Variants in FMO1 observed in about 807,000 individuals in gnomAD.
The protein encoded by FMO1 is flavin containing dimethylaniline monoxygenase 1.
FMO1 carries 36 observed loss-of-function variants against 45.4 expected under a neutral mutation model. That is an observed-to-expected ratio of 0.79 (90% CI 0.61 to 1.05). The LOEUF is 1.05. Ranked by LOEUF, FMO1 falls within the 50% of genes least tolerant of loss-of-function variation. The pLI is 0.00. For synonymous variants in FMO1, 228 were observed against 227.2 expected, an observed-to-expected ratio of 1.00 and a Z score of -0.03; for missense variants, 615 against 640.3, an observed-to-expected ratio of 0.96 and a Z score of 0.43.
At position 171,275,400 on chromosome 1, in the gene FMO1, G is replaced by C; in HGVS notation, c.376G>C (p.Glu126Gln). ...AGATTCTGCTGTCTCTGGCCAATGG[G>C]AGGTGGTCACTATGCATGAAGAGAA... Reference protein sequence around the residue: ...CSDSAVSGQWEVVTMHEEKQE... With the variant: ...CSDSAVSGQWQVVTMHEEKQE... The change falls in exon 4 of 9, where the codon GAG (glutamate) becomes CAG (glutamine). Residue 126 changes from glutamate to glutamine, a missense_variant. Physicochemically the swap from Glu to Gln is conservative, Grantham distance 29. Transcript: ENST00000617670. The C allele has an allele frequency of 1.2e-6, 2 of 1,613,928 alleles. No homozygotes were observed. Among genetic ancestry groups the C allele is most frequent in the Non-Finnish European group, 1.7e-6 (2 of 1,179,834 alleles).
At chr1:171,284,053 C>T (rs1336382067) in intron 8 of FMO1, among the ~76,000 whole-genome samples, 3 of 152,062 alleles carry the variant, frequency 2.0e-5, no homozygotes, top group Non-Finnish European at 4.4e-5. Flanking sequence ...CCTCCCCTCT[C>T]ACTCTCAATC....
At chr1:171,283,274 A>T in intron 8 of FMO1, 58 bp downstream of exon 8, 1 of 546,596 alleles carries the variant, frequency 1.8e-6, no homozygotes, top group Non-Finnish European at 2.9e-6. Flanking sequence ...GTAAAAAAAA[A>T]AAAAAAAAAA....
Position 171,282,157 on chromosome 1 carries a change from C to T in FMO1, c.1007C>T (p.Pro336Leu), listed in dbSNP as rs778015138. The change falls in exon 7 of 9, where the codon CCC becomes CTC. Residue 336 changes from proline to leucine, a missense_variant. Pro to Leu is a moderately conservative substitution (Grantham distance 98, BLOSUM62 -3). Transcript: ENST00000617670. ...GCCACTGGATACACATTTGCTTTCC[C>T]CTTCCTTGATGAGTCTGTAGTGAAA... ...VFATGYTFAFPFLDESVVKVE... is the reference protein window; with the variant it reads ...VFATGYTFAFLFLDESVVKVE... 3 of 1,613,896 alleles carry T rather than the reference C, an allele frequency of 1.9e-6. No homozygotes were observed. The highest frequency in any genetic ancestry group is 1.7e-5 in the Admixed American group (1 of 60,004).
At chr1:171,268,224 A>G (rs1660702527) in intron 3 of FMO1, among the ~76,000 whole-genome samples, 2 of 151,412 alleles carry the variant, frequency 1.3e-5, no homozygotes, top group Admixed American at 1.3e-4. Context: ...GTAGCTGGGA[A>G]CACAGGTGCA....
chr1:171,266,151 T>C (rs1660610214), intron 2 of FMO1, among the ~76,000 whole-genome samples: 1 of 152,216 alleles, frequency 6.6e-6, no homozygotes, highest in African/African-American at 2.4e-5. Context: ...CACATGATAA[T>C]ACAGTCCTAT....
At chr1:171,268,429 A>G (rs1660710951) in intron 3 of FMO1, among the ~76,000 whole-genome samples, 1 of 152,184 alleles carries the variant, frequency 6.6e-6, no homozygotes, top group Non-Finnish European at 1.5e-5. Flanking sequence ...GGACACGTGC[A>G]GTGGCCCATA....
chr1:171,278,971 T>A (rs1571357722), intron 5 of FMO1, 100 bp downstream of exon 5: 1 of 923,508 alleles, frequency 1.1e-6, no homozygotes, highest in Non-Finnish European at 1.5e-6. Flanking sequence ...GAATAAAATG[T>A]CTCACATGCA....
At chr1:171,263,107 T>C (rs1367778563) in intron 2 of FMO1, among the ~76,000 whole-genome samples, 1 of 152,218 alleles carries the variant, frequency 6.6e-6, no homozygotes, top group Non-Finnish European at 1.5e-5. Flanking sequence ...TCCCATTGCC[T>C]ACACTCCTGC....
intron 1 of FMO1, among the ~76,000 whole-genome samples, chr1:171,252,742 T>A (rs1483122773): frequency 1.3e-5 from 2 of 152,192 alleles, no homozygotes; most frequent in Middle Eastern, 3.2e-3. Context: ...TGGTGCAGCC[T>A]TTTCTGGCAG....
rs774305675 is a variant in FMO1 at position 171,267,726 on chromosome 1, T to C, written c.316T>C (p.Phe106Leu). ...NHFDLLKHIQ[F>L]KTKVCSVTKC... ...CTTTGACCTTCTGAAACACATTCAATTCAAGGTAAGACACAAAACATCAGT... is the reference window on the plus strand; with the variant it reads ...CTTTGACCTTCTGAAACACATTCAACTCAAGGTAAGACACAAAACATCAGT... The change falls in exon 3 of 9, where the codon TTC becomes CTC. Residue 106 changes from phenylalanine (F) to leucine (L), a missense_variant. By Grantham distance (22) the Phe-to-Leu change is conservative. Transcript: ENST00000617670. 54 of 1,606,898 alleles carry C rather than the reference T, an allele frequency of 3.4e-5. No homozygotes were observed. Among genetic ancestry groups the C allele is most frequent in the Non-Finnish European group, 4.4e-5 (52 of 1,176,420 alleles).
In FMO1 at chr1:171,280,917, T is replaced by C. The variant is rs752803826; in HGVS notation, c.759T>C (p.Thr253=). ...ATTCCCTCCCAACCCCAATTGTGAC[T>C]TGGTTGATGGAGCGAAAGATAAACA... The part of the protein sequence containing the change: ...LRNSLPTPIV[T]WLMERKINNW... The change falls in exon 6 of 9, where the codon ACT becomes ACC. Residue 253 remains threonine, a synonymous_variant. Transcript: ENST00000617670. 5.0e-6 allele frequency: 8 copies of C among 1,613,944 alleles called. No homozygotes were observed. Among genetic ancestry groups the C allele is most frequent in the Non-Finnish European group, 5.9e-6 (7 of 1,179,862 alleles).
At chr1:171,267,187 T>C (rs16864296) in intron 2 of FMO1, among the ~76,000 whole-genome samples, 6,307 of 152,280 alleles carry the variant, frequency 0.041, 173 homozygotes, top group East Asian at 0.068. Context: ...CTAATTCACC[T>C]TTTGTAGAAC....
Position 171,267,683 on chromosome 1 carries a change from C to T in FMO1, c.273C>T (p.Leu91=), listed in dbSNP as rs139749571. The T allele has an allele frequency of 3.5e-5, 56 of 1,613,776 alleles. No individual in the cohort carries two copies. The highest frequency in any genetic ancestry group is 4.7e-5 in the Non-Finnish European group (56 of 1,179,886). Residue 91 remains leucine, a synonymous_variant, in exon 3 of 9, where the codon CTC becomes CTT. Transcript: ENST00000617670. The stretch of plus-strand genomic sequence containing the variant: ...CAAATTCTCAATTCCTGGAATATCT[C>T]AAAATGTATGCAAACCACTTTGACC... ...YVPNSQFLEY[L]KMYANHFDLL... is the part of the protein sequence containing the mutation.
intron 3 of FMO1, chr1:171,270,751 T>G (rs370824161): frequency 1.8e-6 from 2 of 1,141,808 alleles, no homozygotes; most frequent in East Asian, 5.2e-5. Context: ...GCAAGGTTAG[T>G]GGCTATTGAA....
In FMO1 at chr1:171,248,602, C is replaced by T. The variant is rs1408513534; in HGVS notation, c.-28C>T. On this transcript the variant is annotated 5_prime_UTR_variant, in exon 1 of 9. Coordinates refer to ENST00000617670, the MANE Select transcript of FMO1 (RefSeq NM_001282693.2). ...GTCCTGCGTGGCAGAGCCATTGGCA[C>T]CAGAAATTACAAGTACGTAAAGTAA... The T allele has an allele frequency of 6.6e-6, 1 of 152,048 alleles. No individual in the cohort carries two copies. The highest frequency in any genetic ancestry group is 2.4e-5 in the African/African-American group (1 of 41,404). The allele number at this position is 152,048 out of a possible 1,614,324, so 9.4% of individuals were successfully genotyped here.
chr1:171,256,773 C>T (rs890035699), intron 1 of FMO1, among the ~76,000 whole-genome samples: 58 of 152,036 alleles, frequency 3.8e-4, no homozygotes, highest in Non-Finnish European at 6.8e-4. Context: ...AAAAAAGATG[C>T]ATATCCAGCT....
Position 171,285,541 on chromosome 1 carries a change from A to G in FMO1, c.1596A>G (p.Leu532=), listed in dbSNP as rs1303802047. ...ALLVAIFLIF[L] is the part of the protein sequence containing the mutation. ...TTGTGGCTATTTTTCTGATTTTCCT[A>G]TAAGTAAAAGATCTCCTAAATGGAA... Residue 532 remains leucine, a synonymous_variant, in exon 9 of 9, where the codon CTA becomes CTG. Transcript: ENST00000617670. 5 of 1,499,412 alleles carry G rather than the reference A, an allele frequency of 3.3e-6. No homozygotes were observed. Among genetic ancestry groups the G allele is most frequent in the African/African-American group, 1.4e-5 (1 of 71,094 alleles). The allele number at this position is 1,499,412 out of a possible 1,614,324, so 92.9% of individuals were successfully genotyped here. A position where few individuals can be genotyped will look rare whatever the true frequency, so the allele number is the denominator to read the frequency against.
chr1:171,258,328 A>G, intron 2 of FMO1, 109 bp downstream of exon 2: 1 of 1,327,280 alleles, frequency 7.5e-7, no homozygotes, highest in Non-Finnish European at 1.1e-6. Context: ...GGAAGGTTAG[A>G]AATGTCTGCT....
Position 171,275,433 on chromosome 1 carries a change from T to C in FMO1, c.409T>C (p.Ser137Pro), listed in dbSNP as rs1661067764. 1 of 1,613,440 alleles carries C rather than the reference T, an allele frequency of 6.2e-7. No individual in the cohort carries two copies. The highest frequency in any genetic ancestry group is 1.3e-5 in the African/African-American group (1 of 74,816). ...CACTATGCATGAAGAGAAGCAAGAG[T>C]CAGCCATCTTTGATGCTGTCATGGT... is the stretch of plus-strand genomic sequence containing the variant. ...VVTMHEEKQE[S>P]AIFDAVMVCT... Residue 137 changes from serine to proline, a missense_variant, in exon 4 of 9, where the codon TCA (serine) becomes CCA (proline). Physicochemically the swap from Ser to Pro is moderately conservative, Grantham distance 74. Coordinates refer to ENST00000617670, the MANE Select transcript of FMO1 (RefSeq NM_001282693.2).
Sources: gnomAD v4.1 joint callset for allele counts (sites outside exome capture counted in the v4.1 genomes callset) on GRCh38, gnomAD v4.1.1 for gene constraint, MANE v1.5 for transcripts, NCBI Gene and HGNC (gene_info 2026-07-23, HGNC 2026-07-21) for gene names.